The following IMMP2L variants were observed in gnomAD, a reference collection of about 807,000 sequenced individuals.
The protein encoded by IMMP2L is mitochondrial inner membrane protease subunit 2.
IMMP2L carries 18 observed loss-of-function variants against 19.3 expected under a neutral mutation model. The ratio of observed to expected loss-of-function variants is 0.93; its 90% confidence interval spans 0.64 to 1.38. The LOEUF (loss-of-function observed/expected upper bound fraction) is 1.38, where lower values mean the gene tolerates loss of function less well. IMMP2L is among the 40% of genes most tolerant of loss of function. IMMP2L has a pLI of 0.00. For missense variants in IMMP2L, 233 were observed against 218.2 expected, an observed-to-expected ratio of 1.07 and a Z score of -0.43; for synonymous variants, 76 against 73.0, an observed-to-expected ratio of 1.04 and a Z score of -0.21.
chr7:111,523,970 T>C (rs1846596455), intron 1 of IMMP2L, among the ~76,000 whole-genome samples: 1 of 152,122 alleles, frequency 6.6e-6, no homozygotes, highest in Non-Finnish European at 1.5e-5. Context: ...ACTCATTTTA[T>C]ATATCTCTAC....
chr7:111,162,972 C>G (rs2129607276), intron 3 of IMMP2L, among the ~76,000 whole-genome samples: 1 of 152,232 alleles, frequency 6.6e-6, no homozygotes, highest in East Asian at 1.9e-4. Flanking sequence ...GCCAGGAGAA[C>G]TTGCTGTTTG....
chr7:111,304,103 G>C (rs781656804), intron 3 of IMMP2L, among the ~76,000 whole-genome samples: 1 of 152,116 alleles, frequency 6.6e-6, no homozygotes. Flanking sequence ...TATTCATAAC[G>C]AATATTGGCC....
intron 3 of IMMP2L, among the ~76,000 whole-genome samples, chr7:111,236,460 A>T: frequency 6.6e-6 from 1 of 152,062 alleles, no homozygotes; most frequent in East Asian, 1.9e-4. Context: ...TTCGTGAATT[A>T]TGAGGTTTTC....
intron 3 of IMMP2L, among the ~76,000 whole-genome samples, chr7:111,113,976 A>T (rs1487172458): frequency 6.6e-6 from 1 of 152,206 alleles, no homozygotes; most frequent in Non-Finnish European, 1.5e-5. Context: ...GAAATGTGTA[A>T]AATACAAATT....
intron 5 of IMMP2L, among the ~76,000 whole-genome samples, chr7:110,839,685 C>T (rs1804867675): frequency 6.6e-6 from 1 of 151,836 alleles, no homozygotes; most frequent in African/African-American, 2.4e-5. Context: ...GTATGTGTTC[C>T]TATATTAAGC....
At chr7:111,509,308 A>G (rs2132544187) in intron 2 of IMMP2L, among the ~76,000 whole-genome samples, 1 of 152,280 alleles carries the variant, frequency 6.6e-6, no homozygotes, top group East Asian at 1.9e-4. Flanking sequence ...AGGCCCAAGG[A>G]CCACAGCAGC....
chr7:111,237,030 C>A (rs1814407879), intron 3 of IMMP2L, among the ~76,000 whole-genome samples: 1 of 152,080 alleles, frequency 6.6e-6, no homozygotes. Flanking sequence ...TAAGAACTTA[C>A]AACAGTGACG....
At chr7:110,864,018 A>G (rs1254483850) in intron 5 of IMMP2L, among the ~76,000 whole-genome samples, 2 of 152,128 alleles carry the variant, frequency 1.3e-5, no homozygotes, top group Admixed American at 6.6e-5. Context: ...TAGAAACAAT[A>G]CATTCTACCC....
Position 111,257,439 on chromosome 7 carries a change from A to C in IMMP2L, c.239+229799T>G, listed in dbSNP as rs117682464. Among the ~76,000 whole-genome samples, 386 of 152,280 alleles carry C rather than the reference A, an allele frequency of 2.5e-3. 12 individuals carry two copies. The East Asian group carries it at 0.069, about 27-fold the overall frequency. On this transcript the variant is annotated intron_variant, in intron 3 of 5. Coordinates refer to ENST00000405709, the MANE Select transcript of IMMP2L (RefSeq NM_032549.4). ...AATAACTCCATGCTTTCATTTACAC[A>C]ATCACCCATTTTGTTATTGTTTATA... is the stretch of plus-strand genomic sequence containing the variant.
At chr7:111,453,956 C>T (rs1401897421) in intron 3 of IMMP2L, among the ~76,000 whole-genome samples, 3 of 152,060 alleles carry the variant, frequency 2.0e-5, no homozygotes, top group East Asian at 1.9e-4. Flanking sequence ...TAAAGGGTTA[C>T]GTCTCAAAAA....
intron 3 of IMMP2L, among the ~76,000 whole-genome samples, chr7:111,444,111 T>A (rs893067939): frequency 6.6e-6 from 1 of 152,148 alleles, no homozygotes; most frequent in Non-Finnish European, 1.5e-5. Flanking sequence ...TTGAGAGAAA[T>A]AAGGTTGTTA....
chr7:111,034,869 A>C (rs1791182043), intron 3 of IMMP2L, among the ~76,000 whole-genome samples: 1 of 152,156 alleles, frequency 6.6e-6, no homozygotes. Context: ...CACCTACAAC[A>C]ATACTTAATA....
chr7:110,931,356 A>G (rs142454549), intron 4 of IMMP2L, among the ~76,000 whole-genome samples: 119 of 152,318 alleles, frequency 7.8e-4, no homozygotes, highest in African/African-American at 2.4e-3. Context: ...TATAGTGTTC[A>G]GGTAATTTAT....
intron 1 of IMMP2L, among the ~76,000 whole-genome samples, chr7:111,522,738 A>C (rs1229849516): frequency 3.9e-5 from 6 of 152,144 alleles, no homozygotes; most frequent in African/African-American, 1.4e-4. Flanking sequence ...TTCCTCAAAA[A>C]GTTAAAAATA....
chr7:110,976,782 T>G (rs1432353118), intron 3 of IMMP2L, among the ~76,000 whole-genome samples: 2 of 152,056 alleles, frequency 1.3e-5, no homozygotes, highest in African/African-American at 4.8e-5. Context: ...GAAAATTCTA[T>G]GAAATTGAAC....
intron 3 of IMMP2L, among the ~76,000 whole-genome samples, chr7:111,465,534 T>C (rs1285329501): frequency 7.1e-6 from 1 of 141,618 alleles, no homozygotes; most frequent in African/African-American, 2.6e-5. Context: ...AATTAAAAAT[T>C]AAAAGAAGAC....
intron 1 of IMMP2L, among the ~76,000 whole-genome samples, 176 bp from the exon 2 acceptor site, chr7:111,521,625 G>T (rs1846340089): frequency 6.6e-6 from 1 of 152,100 alleles, no homozygotes; most frequent in South Asian, 2.1e-4. Flanking sequence ...GTCCTAAAGT[G>T]AAATACGTGA....
chr7:111,514,526 T>C (rs1340466518), intron 2 of IMMP2L, among the ~76,000 whole-genome samples: 1 of 152,186 alleles, frequency 6.6e-6, no homozygotes, highest in Non-Finnish European at 1.5e-5. Context: ...AATAAAAATA[T>C]ATATATATCA....
At chr7:111,222,419 T>C (rs1003010097) in intron 3 of IMMP2L, among the ~76,000 whole-genome samples, 33 of 151,738 alleles carry the variant, frequency 2.2e-4, no homozygotes, top group African/African-American at 7.5e-4. Flanking sequence ...TCAAGACTTA[T>C]GACAAACAGA....
Sources: allele counts gnomAD v4.1 joint callset (sites outside exome capture counted in the v4.1 genomes callset), GRCh38; gene constraint gnomAD v4.1.1; transcripts MANE v1.5; gene names NCBI Gene and HGNC (gene_info 2026-07-23, HGNC 2026-07-21).